The following NPR3 variants were observed in gnomAD, a reference collection of about 807,000 sequenced individuals.
The protein encoded by NPR3 is atrial natriuretic peptide receptor 3.
A neutral mutation model predicts 54.5 loss-of-function variants in NPR3; 34 were observed. That is an observed-to-expected ratio of 0.62 (90% CI 0.47 to 0.83). NPR3 has a LOEUF of 0.83. Among genes scored for constraint, NPR3 ranks in the 40% least tolerant of loss-of-function variants. NPR3 has a pLI of 0.00. For missense variants in NPR3, 674 were observed against 720.8 expected (o/e 0.94, Z 0.74); for synonymous variants, 289 against 297.1 (o/e 0.97, Z 0.28).
At chr5:32,750,988 T>G (rs939070207) in intron 3 of NPR3, among the ~76,000 whole-genome samples, 2 of 152,212 alleles carry the variant, frequency 1.3e-5, no homozygotes, top group South Asian at 4.1e-4. Context: ...CTGGAGCTGT[T>G]TCCTCTAACA....
chr5:32,749,730 A>G (rs1205757401), intron 3 of NPR3, among the ~76,000 whole-genome samples: 2 of 152,064 alleles, frequency 1.3e-5, no homozygotes, highest in African/African-American at 2.4e-5. Context: ...CTTAAACCCA[A>G]TTTTCAGTTT....
intron 3 of NPR3, among the ~76,000 whole-genome samples, chr5:32,768,528 A>G (rs3792752): frequency 0.31 from 46,965 of 152,018 alleles, 7,818 homozygotes; most frequent in African/African-American, 0.44. Flanking sequence ...CCCATGAACA[A>G]GACCAGCTTT....
chr5:32,761,739 T>G (rs899728279), intron 3 of NPR3, among the ~76,000 whole-genome samples: 1 of 151,808 alleles, frequency 6.6e-6, no homozygotes, highest in Non-Finnish European at 1.5e-5. Flanking sequence ...TACTTTTATT[T>G]TTATTTTATT....
At chr5:32,724,671 C>T (rs764207284) in intron 1 of NPR3, 27 bp from the exon 2 acceptor site, 1 of 1,613,688 alleles carries the variant, frequency 6.2e-7, no homozygotes, top group South Asian at 1.1e-5. Context: ...AGGGGTGCCT[C>T]ATGTGTGTTG....
intron 3 of NPR3, among the ~76,000 whole-genome samples, chr5:32,771,162 GTTC>G (rs1741737742): frequency 6.6e-6 from 1 of 151,302 alleles, no homozygotes; most frequent in South Asian, 2.1e-4. Flanking sequence ...ATGTGAGAAT[GTTC>G]TTCTCAAGAA....
chr5:32,707,874 G>T (rs1262786733), upstream of NPR3, among the ~76,000 whole-genome samples: 2 of 151,780 alleles, frequency 1.3e-5, no homozygotes, highest in Non-Finnish European at 2.9e-5. Context: ...GTCTTTCCTG[G>T]TAGTGAGAAA....
At chr5:32,733,233 T>C (rs1273084763) in intron 2 of NPR3, among the ~76,000 whole-genome samples, 3 of 152,168 alleles carry the variant, frequency 2.0e-5, no homozygotes, top group Admixed American at 1.3e-4. Context: ...AATTACTAGA[T>C]TGTTTGGTCT....
At chr5:32,731,441 C>T (rs1739443616) in intron 2 of NPR3, among the ~76,000 whole-genome samples, 1 of 152,168 alleles carries the variant, frequency 6.6e-6, no homozygotes, top group Non-Finnish European at 1.5e-5. Context: ...GGCAAAGTAA[C>T]ATAACTCTGC....
At position 32,786,182 on chromosome 5, in the gene NPR3, A is replaced by G. The variant is rs1461021495; in HGVS notation, c.1515-52A>G. The stretch of plus-strand genomic sequence containing the variant: ...GAGGGCACTCTTTGTAAGAGAAACC[A>G]TGGTATTTTGTAGCCAAGTTTTATT... On this transcript the variant is annotated intron_variant, in intron 7 of 7. Coordinates refer to ENST00000265074, the MANE Select transcript of NPR3 (RefSeq NM_001204375.2). The G allele has an allele frequency of 2.8e-5, 21 of 737,188 alleles. No individual in the cohort carries two copies. In the East Asian group the frequency reaches 4.4e-4, roughly 15 times the overall value. 45.7% of individuals were successfully genotyped at this position (737,188 alleles called of 1,614,324 possible). A position where few individuals can be genotyped will look rare whatever the true frequency, so the allele number is the denominator to read the frequency against.
At chr5:32,694,145 G>A (rs967591002) in intron 1 of NPR3, among the ~76,000 whole-genome samples, 1 of 152,180 alleles carries the variant, frequency 6.6e-6, no homozygotes, top group Non-Finnish European at 1.5e-5. Flanking sequence ...TTATGTAAGA[G>A]AAAGAATATT....
chr5:32,738,037 TGAGA>T (rs1209971183), intron 2 of NPR3, among the ~76,000 whole-genome samples: 2 of 152,178 alleles, frequency 1.3e-5, no homozygotes, highest in East Asian at 3.8e-4. Context: ...GTTGCTAGCA[TGAGA>T]GAGACACAAA....
intron 1 of NPR3, among the ~76,000 whole-genome samples, chr5:32,699,651 TG>T (rs1740617884): frequency 1.3e-5 from 2 of 152,262 alleles, no homozygotes; most frequent in African/African-American, 4.8e-5. Flanking sequence ...GTGTATGTCT[TG>T]AAAAGTTGTT....
At chr5:32,755,790 G>A (rs1463931689) in intron 3 of NPR3, among the ~76,000 whole-genome samples, 1 of 152,078 alleles carries the variant, frequency 6.6e-6, no homozygotes. Context: ...ATCCTTCTTT[G>A]TCTTCTTTGA....
At chr5:32,731,576 T>C (rs1739450111) in intron 2 of NPR3, among the ~76,000 whole-genome samples, 1 of 152,262 alleles carries the variant, frequency 6.6e-6, no homozygotes, top group African/African-American at 2.4e-5. Flanking sequence ...AACTATTTAA[T>C]AAATGTTAGC....
chr5:32,703,889 A>T (rs548242078), intron 1 of NPR3, among the ~76,000 whole-genome samples: 2 of 152,322 alleles, frequency 1.3e-5, no homozygotes, highest in East Asian at 3.9e-4. Flanking sequence ...TGTGTCCCCC[A>T]CATCCACTGG....
intron 3 of NPR3, among the ~76,000 whole-genome samples, chr5:32,762,422 C>A (rs1741225570): frequency 7.3e-6 from 1 of 137,578 alleles, no homozygotes; most frequent in Non-Finnish European, 1.7e-5. Context: ...AGTGTAAAGG[C>A]ATTCCTATTT....
intron 7 of NPR3, 90 bp downstream of exon 7, chr5:32,784,973 C>A: frequency 1.9e-6 from 2 of 1,037,110 alleles, no homozygotes; most frequent in Non-Finnish European, 1.5e-6. Flanking sequence ...TTGTCCACAT[C>A]CCTCTTTCAC....
At chr5:32,723,655 A>C (rs966421089) in intron 1 of NPR3, among the ~76,000 whole-genome samples, 3 of 152,236 alleles carry the variant, frequency 2.0e-5, no homozygotes, top group African/African-American at 4.8e-5. Flanking sequence ...TATATCCGGC[A>C]AATCTGGTGA....
At chr5:32,759,539 G>A (rs1266542911) in intron 3 of NPR3, among the ~76,000 whole-genome samples, 4 of 152,112 alleles carry the variant, frequency 2.6e-5, no homozygotes, top group South Asian at 2.1e-4. Context: ...GCACACTGAT[G>A]GGTCTTGACT....
Sources: allele counts gnomAD v4.1 joint callset (sites outside exome capture counted in the v4.1 genomes callset), GRCh38; gene constraint gnomAD v4.1.1; transcripts MANE v1.5; gene names NCBI Gene and HGNC (gene_info 2026-07-23, HGNC 2026-07-21).